The following SLC25A21 variants were observed in gnomAD, a reference collection of about 807,000 sequenced individuals.
SLC25A21 encodes mitochondrial 2-oxodicarboxylate carrier.
SLC25A21 carries 47 observed loss-of-function variants against 43.8 expected under a neutral mutation model. That is an observed-to-expected ratio of 1.07 (90% confidence interval 0.85 to 1.37). The LOEUF (loss-of-function observed/expected upper bound fraction) is 1.37, where lower values mean the gene tolerates loss of function less well. SLC25A21 is among the 40% of genes most tolerant of loss of function. SLC25A21 has a pLI of 0.00. For missense variants in SLC25A21, 352 were observed against 350.2 expected (o/e 1.00, Z -0.04); for synonymous variants, 131 against 121.3 (o/e 1.08, Z -0.52).
intron 2 of SLC25A21, among the ~76,000 whole-genome samples, chr14:36,830,273 C>T (rs1888989111): frequency 6.6e-6 from 1 of 152,154 alleles, no homozygotes; most frequent in African/African-American, 2.4e-5. Context: ...CATTAGTTCA[C>T]AGCAAAAGAT....
At chr14:37,068,266 C>T (rs1962100239) in intron 1 of SLC25A21, among the ~76,000 whole-genome samples, 1 of 152,144 alleles carries the variant, frequency 6.6e-6, no homozygotes, top group South Asian at 2.1e-4. Context: ...GAAAGGGAAG[C>T]CAACTAGGAG....
intron 1 of SLC25A21, among the ~76,000 whole-genome samples, chr14:37,155,112 C>A (rs1270277842): frequency 6.6e-6 from 1 of 151,656 alleles, no homozygotes. Flanking sequence ...ACTCTGTTGC[C>A]CAGGCTGGAG....
intron 1 of SLC25A21, among the ~76,000 whole-genome samples, chr14:36,944,089 C>T (rs760119907): frequency 2.2e-4 from 33 of 152,090 alleles, no homozygotes; most frequent in Admixed American, 1.5e-3. Flanking sequence ...AATCCTTCTC[C>T]ATTTACATCA....
chr14:36,852,307 C>T (rs1889765138), intron 2 of SLC25A21, among the ~76,000 whole-genome samples: 1 of 152,178 alleles, frequency 6.6e-6, no homozygotes, highest in Non-Finnish European at 1.5e-5. Flanking sequence ...GCCTCTAAAC[C>T]TGCTTCCTGG....
At chr14:36,704,386 C>T (rs1382136221) in intron 7 of SLC25A21, among the ~76,000 whole-genome samples, 2 of 152,230 alleles carry the variant, frequency 1.3e-5, no homozygotes, top group South Asian at 2.1e-4. Flanking sequence ...AGACTGGGTG[C>T]GGTGGCTAAC....
At chr14:36,952,724 A>C (rs948129348) in intron 1 of SLC25A21, among the ~76,000 whole-genome samples, 2 of 152,178 alleles carry the variant, frequency 1.3e-5, no homozygotes, top group Non-Finnish European at 2.9e-5. Context: ...CAAAACAAAA[A>C]CAGTGATTCC....
chr14:37,079,297 A>C (rs1962341482), intron 1 of SLC25A21, among the ~76,000 whole-genome samples: 1 of 152,058 alleles, frequency 6.6e-6, no homozygotes, highest in African/African-American at 2.4e-5. Flanking sequence ...CCAATGCATC[A>C]TGTTCAGAAC....
chr14:37,051,301 A>G (rs1435569230), intron 1 of SLC25A21, among the ~76,000 whole-genome samples: 1 of 152,204 alleles, frequency 6.6e-6, no homozygotes, highest in Non-Finnish European at 1.5e-5. Context: ...TGTTTGTGAC[A>G]GACTAGGGGC....
chr14:36,914,747 T>C (rs1291116455), intron 1 of SLC25A21, among the ~76,000 whole-genome samples: 1 of 152,182 alleles, frequency 6.6e-6, no homozygotes, highest in East Asian at 1.9e-4. Flanking sequence ...AGTAGTTATG[T>C]TGCAGGCATG....
chr14:36,854,056 A>G (rs1451461744), intron 2 of SLC25A21, among the ~76,000 whole-genome samples: 3 of 152,218 alleles, frequency 2.0e-5, no homozygotes, highest in African/African-American at 4.8e-5. Context: ...GGGATAGATC[A>G]TTCCTTCACT....
At chr14:37,033,171 T>G (rs1961256548) in intron 1 of SLC25A21, among the ~76,000 whole-genome samples, 1 of 152,186 alleles carries the variant, frequency 6.6e-6, no homozygotes, top group Non-Finnish European at 1.5e-5. Context: ...CTACTTTGTT[T>G]CTATGAATTT....
At chr14:36,697,596 G>C (rs1016530624) in intron 7 of SLC25A21, among the ~76,000 whole-genome samples, 1 of 152,138 alleles carries the variant, frequency 6.6e-6, no homozygotes, top group Non-Finnish European at 1.5e-5. Context: ...GGGTGCTCCT[G>C]TATTGGGTGC....
chr14:36,967,427 G>A (rs987717269), intron 1 of SLC25A21, among the ~76,000 whole-genome samples: 10 of 152,140 alleles, frequency 6.6e-5, no homozygotes, highest in African/African-American at 2.4e-4. Flanking sequence ...AGTGCTTGAT[G>A]GAGTCAATAG....
Position 36,679,314 on chromosome 14 carries a change from T to TTTTA in SLC25A21, c.*1340_*1343dup, listed in dbSNP as rs1882077725. 1 of 972,190 alleles carries TTTTA rather than the reference T, an allele frequency of 1.0e-6. No individual in the cohort carries two copies. Among genetic ancestry groups the TTTTA allele is most frequent in the Non-Finnish European group, 1.2e-6 (1 of 817,962 alleles). 60.2% of individuals were successfully genotyped at this position (972,190 alleles called of 1,614,324 possible). A position where few individuals can be genotyped will look rare whatever the true frequency, so the allele number is the denominator to read the frequency against. ...ATGTATATACAGTATGTCAAAAGCC[T>TTTTA]TTTATTTTTATACTTCAAATGCTCT... On this transcript the variant is annotated 3_prime_UTR_variant, in exon 10 of 10. Coordinates refer to ENST00000331299, the MANE Select transcript of SLC25A21 (RefSeq NM_030631.4).
intron 1 of SLC25A21, among the ~76,000 whole-genome samples, chr14:36,974,025 G>C (rs1203889846): frequency 6.6e-6 from 1 of 151,530 alleles, no homozygotes; most frequent in African/African-American, 2.4e-5. Flanking sequence ...CATATGAGAG[G>C]GAAAAAAAAG....
intron 1 of SLC25A21, among the ~76,000 whole-genome samples, chr14:37,118,836 C>G (rs1256780374): frequency 6.6e-6 from 1 of 151,822 alleles, no homozygotes; most frequent in African/African-American, 2.4e-5. Flanking sequence ...GCATTTGAAC[C>G]AGAGTGACTC....
chr14:36,722,759 T>A lies in SLC25A21; in HGVS notation c.438+2811A>T, dbSNP rs192608585. Reference sequence around the variant, plus strand: ...GTCTAGATCATTTTTAGTGCACTTATACACACATATTTAAGAAATACATAT... The same window carrying A: ...GTCTAGATCATTTTTAGTGCACTTAAACACACATATTTAAGAAATACATAT... On this transcript the variant is annotated intron_variant, in intron 6 of 9. Coordinates refer to ENST00000331299, the MANE Select transcript of SLC25A21 (RefSeq NM_030631.4). Among the ~76,000 whole-genome samples the A allele has an allele frequency of 7.9e-4, 121 of 152,352 alleles. 2 individuals are homozygous for A. The highest frequency in any genetic ancestry group is 2.9e-5 in the Non-Finnish European group (2 of 68,032).
intron 7 of SLC25A21, among the ~76,000 whole-genome samples, chr14:36,701,676 A>G (rs760091177): frequency 2.2e-4 from 33 of 152,194 alleles, no homozygotes; most frequent in South Asian, 6.2e-4. Context: ...CACAGATATA[A>G]TATGTATTGT....
intron 3 of SLC25A21, among the ~76,000 whole-genome samples, chr14:36,759,381 T>G (rs755467110): frequency 2.0e-5 from 3 of 152,194 alleles, no homozygotes; most frequent in Non-Finnish European, 4.4e-5. Flanking sequence ...TTTCTGTACA[T>G]ATCATCTCCG....
Sources: gnomAD v4.1 joint callset for allele counts (sites outside exome capture counted in the v4.1 genomes callset) on GRCh38, gnomAD v4.1.1 for gene constraint, MANE v1.5 for transcripts, NCBI Gene and HGNC (gene_info 2026-07-23, HGNC 2026-07-21) for gene names.